TTC23L: variants seen among roughly 807,000 people sequenced by gnomAD.
TTC23L encodes the protein tetratricopeptide repeat domain 23 like.
In TTC23L, 42 loss-of-function variants were observed where a neutral mutation model predicts 48.1. The ratio of observed to expected loss-of-function variants is 0.87; its 90% CI spans 0.68 to 1.13. The LOEUF is 1.13. Among genes scored for constraint, TTC23L ranks in the 50% most tolerant of loss-of-function variants. The probability of loss-of-function intolerance (pLI) is 0.00; values close to 1 mark genes in which losing one functional copy is unlikely to be tolerated. For synonymous variants in TTC23L, 159 were observed against 157.2 expected (o/e 1.01, Z -0.09); for missense variants, 391 against 421.0 (o/e 0.93, Z 0.62).
At chr5:34,846,986 A>C (rs1163282906) in intron 3 of TTC23L, among the ~76,000 whole-genome samples, 1 of 152,160 alleles carries the variant, frequency 6.6e-6, no homozygotes, top group African/African-American at 2.4e-5. Context: ...TGAGTATTCA[A>C]AATCCAGGAG....
chr5:34,888,637 A>G (rs893865959), intron 9 of TTC23L: 1 of 498,826 alleles, frequency 2.0e-6, no homozygotes, highest in African/African-American at 2.1e-5. Flanking sequence ...CACTTCTATC[A>G]GTCTTGCTAG....
chr5:34,898,412 C>A (rs1273994341), intron 10 of TTC23L, among the ~76,000 whole-genome samples: 1 of 152,176 alleles, frequency 6.6e-6, no homozygotes, highest in Non-Finnish European at 1.5e-5. Flanking sequence ...AATATATACA[C>A]TATGGAAATC....
chr5:34,840,826 C>G, intron 2 of TTC23L, 87 bp downstream of exon 2: 1 of 1,260,132 alleles, frequency 7.9e-7, no homozygotes, highest in East Asian at 2.3e-5. Flanking sequence ...GGGTGAGGAG[C>G]TTTGCATGAG....
chr5:34,848,047 C>T (rs1321826301), intron 3 of TTC23L, among the ~76,000 whole-genome samples: 1 of 152,138 alleles, frequency 6.6e-6, no homozygotes, highest in African/African-American at 2.4e-5. Flanking sequence ...ACAGTAACTC[C>T]ATGAGGTAGA....
chr5:34,909,272 C>A, the TTC23L span: 1 of 1,608,156 alleles, frequency 6.2e-7, no homozygotes, highest in South Asian at 1.1e-5. Context: ...TGACTTGGGT[C>A]TGATTACAAT....
the TTC23L span, chr5:34,909,215 C>T: frequency 2.9e-6 from 4 of 1,390,518 alleles, no homozygotes; most frequent in Non-Finnish European, 4.0e-6. Context: ...GGTATTTAAC[C>T]TCCTCTTTAT....
At chr5:34,875,854 A>G (rs1761798924) in intron 8 of TTC23L, among the ~76,000 whole-genome samples, 1 of 152,232 alleles carries the variant, frequency 6.6e-6, no homozygotes, top group South Asian at 2.1e-4. Flanking sequence ...TCCCAAGCTC[A>G]CATGGAACAT....
intron 8 of TTC23L, among the ~76,000 whole-genome samples, chr5:34,879,350 AT>A (rs1440113303): frequency 6.6e-6 from 1 of 152,098 alleles, no homozygotes; most frequent in Non-Finnish European, 1.5e-5. Flanking sequence ...TATTGGCAAA[AT>A]TTTCCCATTG....
chr5:34,914,391 A>G, the TTC23L span: 1 of 356,460 alleles, frequency 2.8e-6, no homozygotes, highest in African/African-American at 2.1e-5. Flanking sequence ...AAGATTAAAT[A>G]AGTTAAACAA....
At chr5:34,840,272 C>T (rs1758537247) in intron 1 of TTC23L, among the ~76,000 whole-genome samples, 1 of 139,490 alleles carries the variant, frequency 7.2e-6, no homozygotes, top group African/African-American at 2.8e-5. Flanking sequence ...AACCAATACA[C>T]TGGCTGTGCT....
chr5:34,869,195 G>A (rs1047881113), intron 8 of TTC23L, 182 bp downstream of exon 8: 5 of 523,464 alleles, frequency 9.6e-6, no homozygotes, highest in African/African-American at 1.9e-5. Flanking sequence ...CCCCACATTC[G>A]TTGGAATGTC....
chr5:34,847,076 G>A (rs1759266885), intron 3 of TTC23L, among the ~76,000 whole-genome samples: 1 of 152,108 alleles, frequency 6.6e-6, no homozygotes, highest in African/African-American at 2.4e-5. Flanking sequence ...ATCAACAGAA[G>A]AGCTTGTACC....
intron 1 of TTC23L, chr5:34,839,545 G>A: frequency 2.5e-6 from 2 of 786,296 alleles, no homozygotes; most frequent in Non-Finnish European, 3.1e-6. Flanking sequence ...CCGGGAGTTT[G>A]AGAGATCAGA....
chr5:34,882,650 C>CACAA (rs1415485834), intron 9 of TTC23L, among the ~76,000 whole-genome samples: 3 of 151,698 alleles, frequency 2.0e-5, no homozygotes, highest in Non-Finnish European at 4.4e-5. Flanking sequence ...CACACACACA[C>CACAA]ACACACACAA....
intron 9 of TTC23L, among the ~76,000 whole-genome samples, chr5:34,895,859 C>G (rs1458082130): frequency 6.6e-6 from 1 of 152,150 alleles, no homozygotes; most frequent in Non-Finnish European, 1.5e-5. Context: ...AATGTATGTT[C>G]CATAAGCTGG....
chr5:34,869,823 A>ATGTTT (rs1172940436), intron 8 of TTC23L: 1 of 152,352 alleles, frequency 6.6e-6, no homozygotes, highest in Non-Finnish European at 1.5e-5. Flanking sequence ...ATGTCATTAA[A>ATGTTT]TAAACATTTT....
At chr5:34,894,207 A>G (rs978358122) in intron 9 of TTC23L, among the ~76,000 whole-genome samples, 31 of 152,160 alleles carry the variant, frequency 2.0e-4, no homozygotes, top group African/African-American at 7.2e-4. Context: ...ATTTATAAAT[A>G]TAAGTATATA....
At chr5:34,922,677 T>G in the TTC23L span, 1 of 1,611,402 alleles carries the variant, frequency 6.2e-7, no homozygotes. Context: ...ATTTTTGTTT[T>G]TGTTGTAATT....
At chr5:34,920,470 A>C in the TTC23L span, 16 of 152,336 alleles carry the variant, frequency 1.1e-4, no homozygotes, top group African/African-American at 3.6e-4. Flanking sequence ...TCTTTAGAGC[A>C]CAAATTTTTG....
Sources: allele counts gnomAD v4.1 joint callset (sites outside exome capture counted in the v4.1 genomes callset), GRCh38; gene constraint gnomAD v4.1.1; transcripts MANE v1.5; gene names NCBI Gene and HGNC (gene_info 2026-07-23, HGNC 2026-07-21).